FAM13A: variants seen among roughly 807,000 people sequenced by gnomAD.
FAM13A encodes the protein family with sequence similarity 13 member A.
In FAM13A, 76 loss-of-function variants were observed where a neutral mutation model predicts 129.6. The observed-to-expected ratio is 0.59, with a 90% CI of 0.49 to 0.71. The LOEUF (loss-of-function observed/expected upper bound fraction) is 0.71. Among genes scored for constraint, FAM13A ranks in the 30% least tolerant of loss-of-function variants. The pLI is 0.00. For missense variants in FAM13A, 1,108 were observed against 1,249.3 expected (o/e 0.89, Z 1.70); for synonymous variants, 443 against 449.9 (o/e 0.98, Z 0.20).
intron 4 of FAM13A, among the ~76,000 whole-genome samples, chr4:88,985,235 AG>A: frequency 2.6e-5 from 4 of 152,342 alleles, no homozygotes; most frequent in Admixed American, 2.6e-4. Flanking sequence ...TGTCCAGAAT[AG>A]GCAACTCTCT....
At chr4:89,000,276 C>T (rs1348168920) in intron 3 of FAM13A, among the ~76,000 whole-genome samples, 1 of 152,050 alleles carries the variant, frequency 6.6e-6, no homozygotes, top group East Asian at 1.9e-4. Context: ...GGAAATAACC[C>T]AAATTTCCAT....
intron 4 of FAM13A, among the ~76,000 whole-genome samples, chr4:88,958,656 C>G (rs1000633004): frequency 6.6e-6 from 1 of 152,344 alleles, no homozygotes; most frequent in Admixed American, 6.5e-5. Context: ...GGGTTGAGCC[C>G]TCAGAGAGAA....
intron 7 of FAM13A, among the ~76,000 whole-genome samples, chr4:88,810,506 T>C (rs1052348236): frequency 3.9e-5 from 6 of 152,014 alleles, no homozygotes; most frequent in Admixed American, 1.3e-4. Context: ...CATGTGAAGA[T>C]TGGAGTTATG....
At chr4:88,995,005 T>C (rs1020297330) in intron 3 of FAM13A, among the ~76,000 whole-genome samples, 6 of 152,202 alleles carry the variant, frequency 3.9e-5, no homozygotes, top group African/African-American at 1.4e-4. Context: ...GCAATGCTTC[T>C]ATTTTTGTTT....
intron 4 of FAM13A, among the ~76,000 whole-genome samples, chr4:88,940,468 C>A (rs1417363391): frequency 6.6e-6 from 1 of 152,086 alleles, no homozygotes. Context: ...TTTCTTCTTA[C>A]CACTTACAGT....
intron 4 of FAM13A, among the ~76,000 whole-genome samples, chr4:88,965,852 C>T (rs777637816): frequency 6.6e-6 from 1 of 152,162 alleles, no homozygotes; most frequent in Non-Finnish European, 1.5e-5. Flanking sequence ...CTGAGCATAA[C>T]GTCGGCAAGG....
intron 12 of FAM13A, among the ~76,000 whole-genome samples, 168 bp from the exon 13 acceptor site, chr4:88,767,763 G>A (rs1052270983): frequency 6.6e-6 from 1 of 151,890 alleles, no homozygotes; most frequent in African/African-American, 2.4e-5. Context: ...TCAAAACAAA[G>A]CAAACTGGAA....
intron 4 of FAM13A, among the ~76,000 whole-genome samples, chr4:88,947,902 G>A (rs752961309): frequency 9.2e-5 from 14 of 151,906 alleles, no homozygotes; most frequent in Admixed American, 2.0e-4. Context: ...TTACAAAGAC[G>A]GGTTATCTAT....
intron 3 of FAM13A, among the ~76,000 whole-genome samples, chr4:89,014,253 G>A (rs1306746410): frequency 1.3e-5 from 2 of 152,220 alleles, no homozygotes; most frequent in African/African-American, 4.8e-5. Context: ...GAACTATGTG[G>A]TGGGAAGAGG....
At chr4:88,814,530 CT>C (rs1429596028) in intron 7 of FAM13A, among the ~76,000 whole-genome samples, 1 of 152,104 alleles carries the variant, frequency 6.6e-6, no homozygotes, top group Non-Finnish European at 1.5e-5. Context: ...AACAGGCAGG[CT>C]TTTGGGTTTC....
intron 8 of FAM13A, among the ~76,000 whole-genome samples, chr4:88,792,162 GTTTT>G (rs919074630): frequency 6.6e-6 from 1 of 150,946 alleles, no homozygotes; most frequent in Non-Finnish European, 1.5e-5. Context: ...CTTTTACATA[GTTTT>G]TTTTTCACTT....
chr4:88,802,158 C>T (rs1727596119), intron 8 of FAM13A, among the ~76,000 whole-genome samples: 1 of 152,164 alleles, frequency 6.6e-6, no homozygotes, highest in African/African-American at 2.4e-5. Context: ...TGGCCAAGAA[C>T]ATTCTCCACC....
At chr4:88,961,557 C>T (rs1250895510) in intron 4 of FAM13A, among the ~76,000 whole-genome samples, 1 of 151,640 alleles carries the variant, frequency 6.6e-6, no homozygotes, top group African/African-American at 2.4e-5. Context: ...TTAGTAGAGA[C>T]GGGTTTTTGC....
intron 7 of FAM13A, among the ~76,000 whole-genome samples, chr4:88,850,565 A>C (rs1382210359): frequency 6.6e-6 from 1 of 152,162 alleles, no homozygotes; most frequent in Non-Finnish European, 1.5e-5. Context: ...TCAAAAAAAA[A>C]AATTGCAGTT....
intron 7 of FAM13A, among the ~76,000 whole-genome samples, chr4:88,838,302 C>A (rs61577127): frequency 0.07 from 10,671 of 152,088 alleles, 530 homozygotes; most frequent in African/African-American, 0.14. Flanking sequence ...TTTTATGACT[C>A]CATATTATTA....
Position 88,758,869 on chromosome 4 carries a change from G to T in FAM13A, c.1611C>A (p.Ser537Arg), listed in dbSNP as rs1210694669. 1.2e-6 allele frequency: 2 copies of T among 1,613,962 alleles called. No homozygotes were observed. The highest frequency in any genetic ancestry group is 1.7e-6 in the Non-Finnish European group (2 of 1,179,904). ...SPTMKIQEHP[S>R]LSDTKQQRNQ... ...TTCTCTGCTGTTTGGTGTCAGATAGGCTGGGATGCTCCTGGATCTTCATTG... is the reference window on the plus strand; with the variant it reads ...TTCTCTGCTGTTTGGTGTCAGATAGTCTGGGATGCTCCTGGATCTTCATTG... The change falls in exon 14 of 24, where the codon AGC (serine) becomes AGA (arginine). Residue 537 changes from serine (S) to arginine (R), a missense_variant. This residue lies in a region of FAM13A where 529 missense variants were observed against 621.2 expected (regional missense o/e 0.85). Transcript: ENST00000264344.
At chr4:88,949,844 G>A (rs1027487995) in intron 4 of FAM13A, among the ~76,000 whole-genome samples, 4 of 152,116 alleles carry the variant, frequency 2.6e-5, no homozygotes, top group Non-Finnish European at 5.9e-5. Flanking sequence ...TTTATAAACA[G>A]TTCCACTTGT....
intron 8 of FAM13A, among the ~76,000 whole-genome samples, chr4:88,801,914 G>A (rs6824451): frequency 0.54 from 81,219 of 151,380 alleles, 22,241 homozygotes; most frequent in East Asian, 0.68. Context: ...ACTGAAATCC[G>A]AACTCAGGCT....
At chr4:88,900,028 A>G (rs1159940915) in intron 6 of FAM13A, among the ~76,000 whole-genome samples, 1 of 152,144 alleles carries the variant, frequency 6.6e-6, no homozygotes, top group Admixed American at 6.6e-5. Context: ...GGAGGAAAGA[A>G]TATCAGAGCT....
Sources: gnomAD v4.1 joint callset for allele counts (sites outside exome capture counted in the v4.1 genomes callset) on GRCh38, gnomAD v4.1.1 for gene constraint, gnomAD v4.1.1 regional missense constraint, MANE v1.5 for transcripts, NCBI Gene and HGNC (gene_info 2026-07-23, HGNC 2026-07-21) for gene names.